The following TBC1D24 variants were observed in gnomAD, a reference collection of about 807,000 sequenced individuals.
The protein encoded by TBC1D24 is TBC1 domain family member 24, also known as Infantile myoclonic epilepsy.
Under a neutral mutation model 50.7 loss-of-function variants are expected in TBC1D24, and 47 were observed. The observed-to-expected ratio is 0.93, with a 90% confidence interval of 0.73 to 1.18. The LOEUF is 1.18. Among genes scored for constraint, TBC1D24 ranks in the 50% most tolerant of loss-of-function variants. The probability of loss-of-function intolerance (pLI) is 0.00; values close to 1 mark genes in which losing one functional copy is unlikely to be tolerated. For missense variants in TBC1D24, 688 were observed against 766.5 expected (o/e 0.90, Z 1.21); for synonymous variants, 324 against 335.2 (o/e 0.97, Z 0.36).
In TBC1D24 at chr16:2,499,735, C is replaced by A. The variant is rs923750308; in HGVS notation, c.1207-100C>A. ...TGGGGGTGGGAGACGGCAATGCCTG[C>A]ACCCCCACCTGTGACCTGGGACAGG... On this transcript the variant is annotated intron_variant, in intron 5 of 7. Coordinates refer to ENST00000646147, the MANE Select transcript of TBC1D24 (RefSeq NM_001199107.2). This position sits in a 1 kb window ranked among gnomAD's most constrained non-coding sequence, Gnocchi z 4.0. 9.4e-7 allele frequency: 1 copy of A among 1,063,834 alleles called. No homozygotes were observed. The highest frequency in any genetic ancestry group is 1.5e-6 in the Non-Finnish European group (1 of 678,968). 65.9% of individuals were successfully genotyped at this position (1,063,834 alleles called of 1,614,324 possible).
In TBC1D24 at chr16:2,501,005, G is replaced by A. The variant is rs1171916607; in HGVS notation, c.*47G>A. 2.5e-6 allele frequency: 4 copies of A among 1,601,484 alleles called. No individual in the cohort carries two copies. The highest frequency in any genetic ancestry group is 3.4e-6 in the Non-Finnish European group (4 of 1,178,976). On this transcript the variant is annotated 3_prime_UTR_variant, in exon 8 of 8. Transcript: ENST00000646147. The stretch of plus-strand genomic sequence containing the variant: ...AGCCGTGGTGGGGCGGTGGGCCGAG[G>A]CTGGGCTGCCGCCTCGGGCAGCAGA...
chr16:2,496,447 A>C lies in TBC1D24; in HGVS notation c.299A>C (p.Gln100Pro). Reference protein sequence around the residue: ...LPLPEFVDNTQVPSYCLNARG... With the variant: ...LPLPEFVDNTPVPSYCLNARG... ...CTGCCCGAGTTCGTGGACAACACGCAGGTGCCCAGCTACTGCCTGAATGCA... is the reference window on the plus strand; with the variant it reads ...CTGCCCGAGTTCGTGGACAACACGCCGGTGCCCAGCTACTGCCTGAATGCA... The change falls in exon 2 of 8, where the codon CAG (glutamine) becomes CCG (proline). Residue 100 changes from glutamine (Q) to proline (P), a missense_variant. Gln to Pro is a moderately conservative substitution (Grantham distance 76). Transcript: ENST00000646147. The C allele has an allele frequency of 6.2e-7, 1 of 1,612,594 alleles. No homozygotes were observed. Among genetic ancestry groups the C allele is most frequent in the Middle Eastern group, 1.6e-4 (1 of 6,062 alleles).
rs2065557452 is a variant in TBC1D24, at chr16:2,475,355, G to A, written c.-116+185G>A. The stretch of plus-strand genomic sequence containing the variant: ...GGGGCTCCAGAGCCCGGCACCGCCC[G>A]GCGCTGCAGCTGCGGCTTGGCCTAC... On this transcript the variant is annotated intron_variant, in intron 1 of 7. Coordinates refer to ENST00000646147, the MANE Select transcript of TBC1D24 (RefSeq NM_001199107.2). The surrounding 1 kb of genome is among the most constrained non-coding windows in gnomAD (Gnocchi z 4.2). Among the ~76,000 whole-genome samples the A allele has an allele frequency of 6.6e-6, 1 of 150,964 alleles. No homozygotes were observed. The highest frequency in any genetic ancestry group is 6.6e-5 in the Admixed American group (1 of 15,158).
At chr16:2,491,123 C>G (rs1434297432) in intron 1 of TBC1D24, among the ~76,000 whole-genome samples, 1 of 150,050 alleles carries the variant, frequency 6.7e-6, no homozygotes, top group Non-Finnish European at 1.5e-5. Flanking sequence ...GAAAACCTCA[C>G]TCAGTTGTGA....
In TBC1D24 at chr16:2,485,415, T is replaced by G. The variant is rs971031104; in HGVS notation, c.-116+10245T>G. On this transcript the variant is annotated intron_variant, in intron 1 of 7. Transcript: ENST00000646147. This position sits in a 1 kb window ranked among gnomAD's most constrained non-coding sequence, Gnocchi z 4.6. ...TTCTGGACAGCTGAATAGGAGGGAG[T>G]GCCTGGAGGGCAGCACCGTGTCCCT... is the stretch of plus-strand genomic sequence containing the variant. 2.0e-5 allele frequency: 3 copies of G among 151,904 alleles called. No homozygotes were observed. Among genetic ancestry groups the G allele is most frequent in the Non-Finnish European group, 1.5e-5 (1 of 68,002 alleles). The allele number at this position is 151,904 out of a possible 1,614,324, so 9.4% of individuals were successfully genotyped here.
rs1251453035 is a variant in TBC1D24, at chr16:2,499,999, C to G, written c.1302+69C>G. ...AGCTGCATCCCTCCAGGAGCACCCGCCTGCCCTGGGGACACTGTTGGGTGT... is the reference window on the plus strand; with the variant it reads ...AGCTGCATCCCTCCAGGAGCACCCGGCTGCCCTGGGGACACTGTTGGGTGT... On this transcript the variant is annotated intron_variant, in intron 6 of 7. Coordinates refer to ENST00000646147, the MANE Select transcript of TBC1D24 (RefSeq NM_001199107.2). This position sits in a 1 kb window ranked among gnomAD's most constrained non-coding sequence, Gnocchi z 4.0. 3 of 1,412,284 alleles carry G rather than the reference C, an allele frequency of 2.1e-6. No homozygotes were observed. Among genetic ancestry groups the G allele is most frequent in the Non-Finnish European group, 3.0e-6 (3 of 996,186 alleles). 87.5% of individuals were successfully genotyped at this position (1,412,284 alleles called of 1,614,324 possible). A position where few individuals can be genotyped will look rare whatever the true frequency, so the allele number is the denominator to read the frequency against.
Position 2,499,902 on chromosome 16 carries a change from T to C in TBC1D24, c.1274T>C (p.Phe425Ser), listed in dbSNP as rs1431291618. 1 of 1,614,042 alleles carries C rather than the reference T, an allele frequency of 6.2e-7. No individual in the cohort carries two copies. Among genetic ancestry groups the C allele is most frequent in the Non-Finnish European group, 8.5e-7 (1 of 1,179,966 alleles). The change falls in exon 6 of 8, where the codon TTT becomes TCT. Residue 425 changes from phenylalanine (F) to serine (S), a missense_variant. Coordinates refer to ENST00000646147, the MANE Select transcript of TBC1D24 (RefSeq NM_001199107.2). The surrounding 1 kb of genome is among the most constrained non-coding windows in gnomAD (Gnocchi z 4.0). ...RNKFGGKLGF[F>S]GTGECFVFRL... ...AAGTTTGGAGGCAAACTGGGCTTCT[T>C]TGGGACCGGAGAATGCTTTGTGTTT...
rs796053400 is a variant in TBC1D24, at chr16:2,496,753, C to T, written c.605C>T (p.Ser202Leu). The change falls in exon 2 of 8, where the codon TCG (serine) becomes TTG (leucine). Residue 202 changes from serine to leucine, a missense_variant. Coordinates refer to ENST00000646147, the MANE Select transcript of TBC1D24 (RefSeq NM_001199107.2). ...QAAHKLMVAVSEDVLQVYADW... is the reference protein window; with the variant it reads ...QAAHKLMVAVLEDVLQVYADW... ...GCCCACAAGCTGATGGTGGCCGTGTCGGAGGATGTCCTGCAGGTCTATGCG... is the reference window on the plus strand; with the variant it reads ...GCCCACAAGCTGATGGTGGCCGTGTTGGAGGATGTCCTGCAGGTCTATGCG... 1.1e-5 allele frequency: 17 copies of T among 1,613,766 alleles called. No individual in the cohort carries two copies. Among genetic ancestry groups the T allele is most frequent in the Non-Finnish European group, 1.4e-5 (16 of 1,180,042 alleles).
chr16:2,496,802 G>C lies in TBC1D24; in HGVS notation c.654G>C (p.Gly218=). The change falls in exon 2 of 8, where the codon GGG becomes GGC. Residue 218 remains glycine (G), a synonymous_variant. Transcript: ENST00000646147. The part of the protein sequence containing the change: ...VYADWQRWLF[G]ELPLCYFARV... ...CGGACTGGCAGCGCTGGCTGTTTGG[G>C]GAGCTGCCCCTCTGCTACTTCGCCC... 1 of 1,614,020 alleles carries C rather than the reference G, an allele frequency of 6.2e-7. No individual in the cohort carries two copies. The highest frequency in any genetic ancestry group is 8.5e-7 in the Non-Finnish European group (1 of 1,180,046).
Position 2,500,267 on chromosome 16 carries a change from G to C in TBC1D24, c.1303-1G>C. ...CTCCTCACACTCCCCTTCCACCCCA[G>C]CTGCAGCCTGAGGTGCAGCGCTACG... On this transcript the variant is annotated splice_acceptor_variant, in intron 6 of 7. Coordinates refer to ENST00000646147, the MANE Select transcript of TBC1D24 (RefSeq NM_001199107.2). LOFTEE classifies it high-confidence loss of function. This position sits in a 1 kb window ranked among gnomAD's most constrained non-coding sequence, Gnocchi z 8.0. 2 of 1,599,480 alleles carry C rather than the reference G, an allele frequency of 1.3e-6. No homozygotes were observed. The highest frequency in any genetic ancestry group is 1.1e-5 in the South Asian group (1 of 88,304).
At chr16:2,495,088 C>T (rs1024873873) in intron 1 of TBC1D24, among the ~76,000 whole-genome samples, 1 of 152,144 alleles carries the variant, frequency 6.6e-6, no homozygotes, top group African/African-American at 2.4e-5. Context: ...AGCACTGGCT[C>T]ACACTTGTAA....
chr16:2,500,678 G>C lies in TBC1D24; in HGVS notation c.1526-126G>C. The stretch of plus-strand genomic sequence containing the variant: ...TGGACAGCTGGTCCTGGGGGCTATG[G>C]AGGGTCAACGGTCTGTGCGGTTTCA... On this transcript the variant is annotated intron_variant, in intron 7 of 7. Coordinates refer to ENST00000646147, the MANE Select transcript of TBC1D24 (RefSeq NM_001199107.2). The surrounding 1 kb of genome is among the most constrained non-coding windows in gnomAD (Gnocchi z 8.0). 5 of 1,389,728 alleles carry C rather than the reference G, an allele frequency of 3.6e-6. No individual in the cohort carries two copies. The South Asian group carries it at 6.9e-5, about 19-fold the overall frequency. The allele number at this position is 1,389,728 out of a possible 1,614,324, so 86.1% of individuals were successfully genotyped here.
At chr16:2,498,924 T>G (rs1039028900) in intron 4 of TBC1D24, among the ~76,000 whole-genome samples, 4 of 152,208 alleles carry the variant, frequency 2.6e-5, no homozygotes, top group Non-Finnish European at 5.9e-5. Flanking sequence ...TCATAACAAC[T>G]CAAGCATTTT....
chr16:2,505,643 CA>C lies in TBC1D24; in HGVS notation c.*4687del, dbSNP rs1228772560. The C allele has an allele frequency of 6.6e-6, 1 of 152,142 alleles. No individual in the cohort carries two copies. The highest frequency in any genetic ancestry group is 1.5e-5 in the Non-Finnish European group (1 of 68,028). The allele number at this position is 152,142 out of a possible 1,614,324, so 9.4% of individuals were successfully genotyped here. ...AAATGTATGGATTTGCAGCACAATC[CA>C]ACTTTGAAAATGTGAAAATAAGTGA... is the stretch of plus-strand genomic sequence containing the variant. On this transcript the variant is annotated 3_prime_UTR_variant, in exon 8 of 8. Coordinates refer to ENST00000646147, the MANE Select transcript of TBC1D24 (RefSeq NM_001199107.2).
In TBC1D24 at chr16:2,499,979, C is replaced by A; in HGVS notation, c.1302+49C>A. ...AACCCCCACGCAGACCCTGTAGCTGCATCCCTCCAGGAGCACCCGCCTGCC... is the reference window on the plus strand; with the variant it reads ...AACCCCCACGCAGACCCTGTAGCTGAATCCCTCCAGGAGCACCCGCCTGCC... On this transcript the variant is annotated intron_variant, in intron 6 of 7. Coordinates refer to ENST00000646147, the MANE Select transcript of TBC1D24 (RefSeq NM_001199107.2). This position sits in a 1 kb window ranked among gnomAD's most constrained non-coding sequence, Gnocchi z 4.0. 1 of 1,554,176 alleles carries A rather than the reference C, an allele frequency of 6.4e-7. No homozygotes were observed. Among genetic ancestry groups the A allele is most frequent in the Non-Finnish European group, 8.9e-7 (1 of 1,125,860 alleles).
rs2065563692 is a variant in TBC1D24 at position 2,475,858 on chromosome 16, TG to T, written c.-116+690del. ...CCTCCAGGCGGGAGTCCCCGCGGCCTGGCCACAGGCCTTCTTTGATGGCCGT... is the reference window on the plus strand; with the variant it reads ...CCTCCAGGCGGGAGTCCCCGCGGCCTGCCACAGGCCTTCTTTGATGGCCGT... On this transcript the variant is annotated intron_variant, in intron 1 of 7. Coordinates refer to ENST00000646147, the MANE Select transcript of TBC1D24 (RefSeq NM_001199107.2). This position sits in a 1 kb window ranked among gnomAD's most constrained non-coding sequence, Gnocchi z 4.2. 6.6e-6 allele frequency among the ~76,000 whole-genome samples: 1 copy of T among 152,228 alleles called. No homozygotes were observed.
At chr16:2,479,668 CTGAGCCTCTGGATAAGGCT>C (rs2065595630) in intron 1 of TBC1D24, 1 of 152,274 alleles carries the variant, frequency 6.6e-6, no homozygotes, top group South Asian at 2.1e-4. Context: ...CCAGGGCTGG[CTGAGCCTCTGGATAAGGCT>C]TGAGCTGTTA....
chr16:2,476,293 C>T (rs542810885), intron 1 of TBC1D24, among the ~76,000 whole-genome samples: 69 of 152,178 alleles, frequency 4.5e-4, no homozygotes, highest in African/African-American at 1.5e-3. Flanking sequence ...GGCGTTTCCT[C>T]CGCCCGAGGG....
chr16:2,494,455 C>A (rs912641064), intron 1 of TBC1D24, among the ~76,000 whole-genome samples: 6 of 151,394 alleles, frequency 4.0e-5, no homozygotes, highest in Non-Finnish European at 7.4e-5. Flanking sequence ...CATCTCTTTG[C>A]TCAAAGTGAT....
Sources: gnomAD v4.1 joint callset for allele counts (sites outside exome capture counted in the v4.1 genomes callset) on GRCh38, gnomAD v4.1.1 for gene constraint, Gnocchi (gnomAD v3.1) non-coding constraint, MANE v1.5 for transcripts, NCBI Gene and HGNC (gene_info 2026-07-23, HGNC 2026-07-21) for gene names.